The following TEN1 variants were observed in gnomAD, a reference collection of about 807,000 sequenced individuals.
TEN1 encodes TEN1 subunit of CST complex, also known as CST complex subunit TEN1.
TEN1 carries 6 observed loss-of-function variants against 9.3 expected under a neutral mutation model. The ratio of observed to expected loss-of-function variants is 0.65; its 90% CI spans 0.35 to 1.27. The LOEUF is 1.27. TEN1 is among the 50% of genes most tolerant of loss of function. TEN1 has a pLI of 0.03. For synonymous variants in TEN1, 65 were observed against 65.6 expected, an observed-to-expected ratio of 0.99 and a Z score of 0.04; for missense variants, 149 against 158.2, an observed-to-expected ratio of 0.94 and a Z score of 0.31.
At chr17:75,993,152 G>A (rs2144358104) in intron 3 of TEN1, among the ~76,000 whole-genome samples, 1 of 147,476 alleles carries the variant, frequency 6.8e-6, no homozygotes, top group Middle Eastern at 3.4e-3. Flanking sequence ...TCGCCAGGCT[G>A]GAGTGTAGTG....
intron 3 of TEN1, among the ~76,000 whole-genome samples, chr17:75,999,258 C>G (rs2066237434): frequency 6.6e-6 from 1 of 152,092 alleles, no homozygotes; most frequent in Non-Finnish European, 1.5e-5. Context: ...AGATGATCAC[C>G]TGAGCCTGGG....
chr17:75,985,865 A>G (rs2066148685), intron 1 of TEN1, among the ~76,000 whole-genome samples: 3 of 113,822 alleles, frequency 2.6e-5, no homozygotes, highest in African/African-American at 6.0e-5. Context: ...AATGTATATT[A>G]TATCAAAAAA....
intron 2 of TEN1, among the ~76,000 whole-genome samples, 178 bp downstream of exon 2, chr17:75,986,462 G>A (rs2066153062): frequency 6.6e-6 from 1 of 152,074 alleles, no homozygotes; most frequent in African/African-American, 2.4e-5. Context: ...AGCACTTTGG[G>A]AGGCCGAGGT....
rs1567900901 is a variant in TEN1, at chr17:76,000,497, A to AGCTTGGGCGCTGGGGCCGT, written c.*245_*246insTGGGGCCGTGCTTGGGCGC. The AGCTTGGGCGCTGGGGCCGT allele has an allele frequency of 5.1e-6, 3 of 586,156 alleles. No homozygotes were observed. Among genetic ancestry groups the AGCTTGGGCGCTGGGGCCGT allele is most frequent in the Non-Finnish European group, 8.3e-6 (3 of 359,402 alleles). 36.3% of individuals were successfully genotyped at this position (586,156 alleles called of 1,614,324 possible). A position where few individuals can be genotyped will look rare whatever the true frequency, so the allele number is the denominator to read the frequency against. On this transcript the variant is annotated 3_prime_UTR_variant, in exon 4 of 4. Transcript: ENST00000397640. The surrounding 1 kb of genome is among the most constrained non-coding windows in gnomAD (Gnocchi z 5.9). The stretch of plus-strand genomic sequence containing the variant: ...CACCCCAGGAGACTGCAGGTGGCCG[A>AGCTTGGGCGCTGGGGCCGT]GCTTGGGCGCCGGGGCCGTGCTTGG...
chr17:75,997,362 C>G (rs577348904), intron 3 of TEN1, among the ~76,000 whole-genome samples: 16 of 152,118 alleles, frequency 1.1e-4, no homozygotes, highest in Non-Finnish European at 1.5e-4. Flanking sequence ...CCCCCCTCCC[C>G]GGCGCCACCA....
chr17:75,992,653 T>C (rs1298847026), intron 3 of TEN1, among the ~76,000 whole-genome samples: 1 of 150,866 alleles, frequency 6.6e-6, no homozygotes, highest in Non-Finnish European at 1.5e-5. Context: ...GCTGGGACTA[T>C]GGGCGCCCGC....
intron 3 of TEN1, among the ~76,000 whole-genome samples, chr17:75,996,491 A>C (rs1206550713): frequency 2.0e-5 from 3 of 151,830 alleles, no homozygotes; most frequent in South Asian, 4.2e-4. Flanking sequence ...ATCTCAAAAA[A>C]AAATAATAAT....
chr17:75,990,898 C>T (rs1316015857), intron 2 of TEN1, among the ~76,000 whole-genome samples: 2 of 151,188 alleles, frequency 1.3e-5, no homozygotes, highest in Non-Finnish European at 2.9e-5. Flanking sequence ...GCCTGTAATC[C>T]CAGTACTTTG....
In TEN1 at chr17:76,000,170, C is replaced by T. The variant is rs1227592949; in HGVS notation, c.280C>T (p.Leu94=). 1 of 1,551,536 alleles carries T rather than the reference C, an allele frequency of 6.4e-7. No homozygotes were observed. Among genetic ancestry groups the T allele is most frequent in the South Asian group, 1.2e-5 (1 of 84,064 alleles). Residue 94 remains leucine (L), a synonymous_variant, in exon 4 of 4, where the codon CTG becomes TTG. Coordinates refer to ENST00000397640, the MANE Select transcript of TEN1 (RefSeq NM_001113324.3). This position sits in a 1 kb window ranked among gnomAD's most constrained non-coding sequence, Gnocchi z 5.9. Reference sequence around the variant, plus strand: ...AGGCTCCGTGGTGAAGGCGCGCGTGCTGACCTGTGTGGAGGGGATGAACCT... The same window carrying T: ...AGGCTCCGTGGTGAAGGCGCGCGTGTTGACCTGTGTGGAGGGGATGAACCT... ...DRGSVVKARV[L]TCVEGMNLPL...
chr17:75,999,201 C>G (rs1037505651), intron 3 of TEN1, among the ~76,000 whole-genome samples: 11 of 152,148 alleles, frequency 7.2e-5, no homozygotes, highest in South Asian at 6.2e-4. Flanking sequence ...CAAAAATTAG[C>G]TGGGTGTGGT....
At chr17:75,990,189 C>T (rs2066176661) in intron 2 of TEN1, among the ~76,000 whole-genome samples, 1 of 151,764 alleles carries the variant, frequency 6.6e-6, no homozygotes, top group Non-Finnish European at 1.5e-5. Context: ...GGGACCACAG[C>T]TGCGTGCCAC....
At chr17:75,979,970 A>AG (rs1489228820) in intron 1 of TEN1, among the ~76,000 whole-genome samples, 1 of 151,754 alleles carries the variant, frequency 6.6e-6, no homozygotes, top group Admixed American at 6.6e-5. Flanking sequence ...CAGTTACTAG[A>AG]GGTCTTGGAA....
rs529261321 is a variant in TEN1, at chr17:75,992,808, T to G, written c.250+1185T>G. On this transcript the variant is annotated intron_variant, in intron 3 of 3. Transcript: ENST00000397640. ...ATTACAGGCGTGAGCCACCGTTTTT[T>G]TTTTTTTTTTTAGACAGTGCCTTGC... is the stretch of plus-strand genomic sequence containing the variant. Among the ~76,000 whole-genome samples, 4 of 150,388 alleles carry G rather than the reference T, an allele frequency of 2.7e-5. No homozygotes were observed. In the East Asian group the frequency reaches 7.9e-4, roughly 30 times the overall value.
At chr17:75,987,916 CAAAAA>C (rs34957837) in intron 2 of TEN1, among the ~76,000 whole-genome samples, 6 of 51,236 alleles carry the variant, frequency 1.2e-4, no homozygotes, top group African/African-American at 2.9e-4. Context: ...GACTCCATCT[CAAAAA>C]AAAAAAAAAA....
rs186714883 is a variant in TEN1 at position 75,980,675 on chromosome 17, G to A, written c.-7+1164G>A. On this transcript the variant is annotated intron_variant, in intron 1 of 3. Transcript: ENST00000397640. ...CCTGACCTGTTGATCCACCTGCCTC[G>A]GCCTCCCAAAGCGCCGGGATTACAG... 9.6e-4 allele frequency among the ~76,000 whole-genome samples: 146 copies of A among 152,230 alleles called. 1 individual carries two copies. In the South Asian group the frequency reaches 0.011, roughly 11 times the overall value.
intron 2 of TEN1, among the ~76,000 whole-genome samples, chr17:75,988,738 T>C (rs2066167585): frequency 1.3e-5 from 2 of 152,080 alleles, no homozygotes. Flanking sequence ...CCATTTTGTT[T>C]CACTGTGGTG....
intron 1 of TEN1, among the ~76,000 whole-genome samples, chr17:75,984,197 C>A (rs1424350354): frequency 6.6e-6 from 1 of 152,130 alleles, no homozygotes; most frequent in Non-Finnish European, 1.5e-5. Flanking sequence ...ATCAGCTCTC[C>A]CCCGCTGTCC....
At chr17:75,993,328 C>A (rs1285720486) in intron 3 of TEN1, among the ~76,000 whole-genome samples, 1 of 151,948 alleles carries the variant, frequency 6.6e-6, no homozygotes, top group Non-Finnish European at 1.5e-5. Context: ...TGGTCTCGAT[C>A]TCTTGACCTT....
At chr17:75,985,588 G>A (rs1039112022) in intron 1 of TEN1, among the ~76,000 whole-genome samples, 2 of 152,140 alleles carry the variant, frequency 1.3e-5, no homozygotes, top group Admixed American at 6.5e-5. Context: ...GCAATGGCAC[G>A]ATCTTGGCTC....
Sources: gnomAD v4.1 joint callset for allele counts (sites outside exome capture counted in the v4.1 genomes callset) on GRCh38, gnomAD v4.1.1 for gene constraint, Gnocchi (gnomAD v3.1) non-coding constraint, MANE v1.5 for transcripts, NCBI Gene and HGNC (gene_info 2026-07-23, HGNC 2026-07-21) for gene names.